Variants in KCNA3 observed in about 807,000 individuals in gnomAD.
KCNA3 encodes RP11-284N8.3.
KCNA3 carries 18 observed loss-of-function variants against 34.3 expected under a neutral mutation model. That is an observed-to-expected ratio of 0.52 (90% CI 0.36 to 0.78). KCNA3 has a LOEUF of 0.78. Ranked by LOEUF, KCNA3 falls within the 30% of genes least tolerant of loss-of-function variation. The pLI is 0.00. For missense variants in KCNA3, 587 were observed against 802.5 expected, an observed-to-expected ratio of 0.73 and a Z score of 3.24; for synonymous variants, 324 against 351.7, an observed-to-expected ratio of 0.92 and a Z score of 0.88.
At position 110,674,565 on chromosome 1, in the gene KCNA3, C is replaced by G. The variant is rs747197717; in HGVS notation, c.245G>C (p.Gly82Ala). The G allele has an allele frequency of 1.9e-6, 3 of 1,549,572 alleles. No individual in the cohort carries two copies. The highest frequency in any genetic ancestry group is 1.7e-6 in the Non-Finnish European group (2 of 1,152,532). Residue 82 changes from glycine to alanine, a missense_variant, in exon 1 of 1, where the codon GGC becomes GCC. Transcript: ENST00000369769. The surrounding 1 kb of genome is among the most constrained non-coding windows in gnomAD (Gnocchi z 6.4). Reference protein sequence around the residue: ...APPQGGCGGGGCDRYEPLPPS... With the variant: ...APPQGGCGGGACDRYEPLPPS... ...CGGCAGCGGCTCGTAGCGGTCGCAG[C>G]CGCCGCCGCCACAGCCGCCTTGAGG...
Position 110,673,780 on chromosome 1 carries a change from C to A in KCNA3, c.1030G>T (p.Gly344Cys). 1 of 1,614,114 alleles carries A rather than the reference C, an allele frequency of 6.2e-7. No homozygotes were observed. Among genetic ancestry groups the A allele is most frequent in the Non-Finnish European group, 8.5e-7 (1 of 1,180,030 alleles). Reference protein sequence around the residue: ...VAIIPYFITLGTELAERQGNG... With the variant: ...VAIIPYFITLCTELAERQGNG... ...CCCTGTCGTTCGGCCAGCTCGGTAC[C>A]CAGAGTGATAAAATAAGGAATGATG... The change falls in exon 1 of 1, where the codon GGT (glycine) becomes TGT (cysteine). Residue 344 changes from glycine to cysteine, a missense_variant. Physicochemically the swap from Gly to Cys is radical, Grantham distance 159. Coordinates refer to ENST00000369769, the MANE Select transcript of KCNA3 (RefSeq NM_002232.5). This position sits in a 1 kb window ranked among gnomAD's most constrained non-coding sequence, Gnocchi z 8.8.
chr1:110,674,683 G>A lies in KCNA3; in HGVS notation c.127C>T (p.Pro43Ser), dbSNP rs1204804733. 1 of 1,503,854 alleles carries A rather than the reference G, an allele frequency of 6.6e-7. No homozygotes were observed. The allele number at this position is 1,503,854 out of a possible 1,614,324, so 93.2% of individuals were successfully genotyped here. Residue 43 changes from proline to serine, a missense_variant, in exon 1 of 1, where the codon CCC becomes TCC. Physicochemically the swap from Pro to Ser is moderately conservative, Grantham distance 74 (BLOSUM62 -1). Around this residue, in one of 7 missense-constraint regions of KCNA3, gnomAD observed 341 missense variants for 355.4 expected, o/e 0.96. Transcript: ENST00000369769. The surrounding 1 kb of genome is among the most constrained non-coding windows in gnomAD (Gnocchi z 6.4). ...GGCGGCAGCTCGCGGCCTGCGGCGG[G>A]CTCCGCGTAGCCGTGGTTCACCAGC... The part of the protein sequence containing the change: ...HTLVNHGYAE[P>S]AAGRELPPDM...
chr1:110,670,179 G>A (rs1651832688), downstream of KCNA3, among the ~76,000 whole-genome samples: 1 of 152,104 alleles, frequency 6.6e-6, no homozygotes, highest in Admixed American at 6.6e-5. Flanking sequence ...TAAAAGCCTG[G>A]AAATAACATT....
chr1:110,657,100 G>T, the KCNA3 span: 1 of 143,276 alleles, frequency 7.0e-6, no homozygotes, highest in East Asian at 2.1e-4. Context: ...AAGCTGGAGT[G>T]CAGTGGCATG....
Position 110,673,238 on chromosome 1 carries a change from C to T in KCNA3, c.1572G>A (p.Leu524=). The change falls in exon 1 of 1, where the codon CTG becomes CTA. Residue 524 remains leucine, a synonymous_variant. Coordinates refer to ENST00000369769, the MANE Select transcript of KCNA3 (RefSeq NM_002232.5). The surrounding 1 kb of genome is among the most constrained non-coding windows in gnomAD (Gnocchi z 8.8). ...ELRKARSNST[L]SKSEYMVIEE... is the part of the protein sequence containing the mutation. ...CGATCACCATATACTCCGACTTACT[C>T]AGAGTCGAGTTACTCCTTGCTTTTC... The T allele has an allele frequency of 1.2e-6, 2 of 1,614,136 alleles. No homozygotes were observed. The highest frequency in any genetic ancestry group is 3.3e-5 in the Admixed American group (2 of 60,022).
chr1:110,667,584 T>C (rs1651729023), downstream of KCNA3, among the ~76,000 whole-genome samples: 1 of 152,128 alleles, frequency 6.6e-6, no homozygotes. Context: ...TCACTCTATT[T>C]AGGTTACAAC....
the KCNA3 span, chr1:110,656,238 A>G: frequency 6.6e-6 from 1 of 152,240 alleles, no homozygotes; most frequent in African/African-American, 2.4e-5. Context: ...CATTCTGTTT[A>G]GGTAATTCAC....
the KCNA3 span, chr1:110,656,903 T>G: frequency 6.6e-6 from 1 of 152,158 alleles, no homozygotes; most frequent in Non-Finnish European, 1.5e-5. Flanking sequence ...CCATTATAGA[T>G]CAGTGAAAAT....
the KCNA3 span, among the ~76,000 whole-genome samples, chr1:110,660,451 T>A: frequency 6.6e-6 from 1 of 152,130 alleles, no homozygotes; most frequent in African/African-American, 2.4e-5. Context: ...ACTGTGGTAA[T>A]CTATGATGAG....
chr1:110,663,416 T>C, the KCNA3 span, among the ~76,000 whole-genome samples: 1 of 152,174 alleles, frequency 6.6e-6, no homozygotes, highest in African/African-American at 2.4e-5. Context: ...CAGGCACATA[T>C]GTTAGTTTCA....
chr1:110,656,704 T>C, the KCNA3 span: 6 of 152,184 alleles, frequency 3.9e-5, no homozygotes, highest in African/African-American at 1.4e-4. Flanking sequence ...ACTCCAACCT[T>C]TTCCCACCTT....
downstream of KCNA3, among the ~76,000 whole-genome samples, chr1:110,667,654 T>A (rs535455501): frequency 6.6e-6 from 1 of 152,250 alleles, no homozygotes; most frequent in East Asian, 1.9e-4. Context: ...CTTCTTAATA[T>A]GCATTTGATG....
chr1:110,669,375 A>G (rs1570798430), downstream of KCNA3, among the ~76,000 whole-genome samples: 1 of 152,234 alleles, frequency 6.6e-6, no homozygotes, highest in East Asian at 1.9e-4. Flanking sequence ...CTAAGATTAA[A>G]TCTAGATAAA....
At chr1:110,667,495 T>C (rs777461049), downstream of KCNA3, among the ~76,000 whole-genome samples, 1 of 152,190 alleles carries the variant, frequency 6.6e-6, no homozygotes, top group African/African-American at 2.4e-5. Flanking sequence ...GGATGAAATA[T>C]CATTTTTTTC....
At chr1:110,657,323 A>G in the KCNA3 span, among the ~76,000 whole-genome samples, 10 of 152,166 alleles carry the variant, frequency 6.6e-5, no homozygotes, top group African/African-American at 2.4e-4. Flanking sequence ...CTAGGATTAC[A>G]GGCATGAGCC....
the KCNA3 span, among the ~76,000 whole-genome samples, chr1:110,657,369 C>G: frequency 6.6e-6 from 1 of 152,030 alleles, no homozygotes; most frequent in African/African-American, 2.4e-5. Flanking sequence ...AAGCATTTCT[C>G]AAATGTGTAT....
chr1:110,673,885 C>T lies in KCNA3; in HGVS notation c.925G>A (p.Glu309Lys). Residue 309 changes from glutamate (E) to lysine (K), a missense_variant, in exon 1 of 1, where the codon GAA (glutamate) becomes AAA (lysine). Glu to Lys is a moderately conservative substitution (Grantham distance 56, BLOSUM62 1). This residue lies in a region of KCNA3 where 84 missense variants were observed against 223.1 expected (regional missense o/e 0.38). Transcript: ENST00000369769. This position sits in a 1 kb window ranked among gnomAD's most constrained non-coding sequence, Gnocchi z 8.8. ...ETLCIIWFSF[E>K]LLVRFFACPS... ...CAAGCGAAGAACCGCACCAGCAGTTCGAAGGAGAACCAGATGATGCACAGC... is the reference window on the plus strand; with the variant it reads ...CAAGCGAAGAACCGCACCAGCAGTTTGAAGGAGAACCAGATGATGCACAGC... The T allele has an allele frequency of 6.2e-7, 1 of 1,614,124 alleles. No individual in the cohort carries two copies. The highest frequency in any genetic ancestry group is 8.5e-7 in the Non-Finnish European group (1 of 1,180,014).
the KCNA3 span, among the ~76,000 whole-genome samples, chr1:110,660,820 C>T: frequency 6.6e-6 from 1 of 152,108 alleles, no homozygotes; most frequent in African/African-American, 2.4e-5. Context: ...TAAAGCAATA[C>T]AATAGACTTA....
chr1:110,661,985 C>T, the KCNA3 span, among the ~76,000 whole-genome samples: 1 of 151,370 alleles, frequency 6.6e-6, no homozygotes, highest in East Asian at 1.9e-4. Flanking sequence ...TGGTGGCGGG[C>T]GCCTGTAGTC....
Sources: gnomAD v4.1 joint callset for allele counts (sites outside exome capture counted in the v4.1 genomes callset) on GRCh38, gnomAD v4.1.1 for gene constraint, gnomAD v4.1.1 regional missense constraint, Gnocchi (gnomAD v3.1) non-coding constraint, MANE v1.5 for transcripts, NCBI Gene and HGNC (gene_info 2026-07-23, HGNC 2026-07-21) for gene names.